The following VWDE variants were observed in gnomAD, a reference collection of about 807,000 sequenced individuals.
VWDE encodes the protein von Willebrand factor D and EGF domain-containing protein.
A neutral mutation model predicts 178.4 loss-of-function variants in VWDE; 207 were observed. The observed-to-expected ratio is 1.16, with a 90% CI of 1.04 to 1.30. The LOEUF (loss-of-function observed/expected upper bound fraction) is 1.30. VWDE is among the 50% of genes most tolerant of loss of function. The pLI is 0.00. For synonymous variants in VWDE, 738 were observed against 651.4 expected, an observed-to-expected ratio of 1.13 and a Z score of -2.02; for missense variants, 2,287 against 1,901.3, an observed-to-expected ratio of 1.20 and a Z score of -3.77.
intron 9 of VWDE, 68 bp downstream of exon 9, chr7:12,374,621 T>G: frequency 8.9e-7 from 1 of 1,123,956 alleles, no homozygotes; most frequent in Non-Finnish European, 1.3e-6. Flanking sequence ...AACAATACAC[T>G]GTTTAAAATA....
At chr7:12,342,553 TGA>T (rs1781387548) in intron 22 of VWDE, among the ~76,000 whole-genome samples, 1 of 152,136 alleles carries the variant, frequency 6.6e-6, no homozygotes, top group South Asian at 2.1e-4. Flanking sequence ...CCACTGTGGT[TGA>T]TATCAGTGCT....
At chr7:12,362,049 T>G (rs568651378) in intron 13 of VWDE, among the ~76,000 whole-genome samples, 1 of 152,186 alleles carries the variant, frequency 6.6e-6, no homozygotes, top group East Asian at 1.9e-4. Context: ...CTCATGATAT[T>G]TTAACTTTGT....
chr7:12,401,021 T>C (rs1784869715), intron 1 of VWDE, among the ~76,000 whole-genome samples: 1 of 152,110 alleles, frequency 6.6e-6, no homozygotes, highest in Admixed American at 6.5e-5. Context: ...CTTTTCATGA[T>C]AAAAACACTC....
At chr7:12,383,491 C>A in intron 4 of VWDE, 45 bp downstream of exon 4, 1 of 1,374,788 alleles carries the variant, frequency 7.3e-7, no homozygotes, top group South Asian at 1.2e-5. Context: ...TTGAAATAGT[C>A]TAGTTTATAA....
chr7:12,378,141 C>T (rs1322558166), intron 6 of VWDE, among the ~76,000 whole-genome samples: 1 of 152,188 alleles, frequency 6.6e-6, no homozygotes, highest in Admixed American at 6.5e-5. Flanking sequence ...GTTTGACTCA[C>T]TTTGGTTCCC....
intron 6 of VWDE, among the ~76,000 whole-genome samples, chr7:12,379,118 G>A (rs1395418761): frequency 6.6e-6 from 1 of 152,108 alleles, no homozygotes; most frequent in African/African-American, 2.4e-5. Context: ...TTCTACTCTA[G>A]TCAGAGACTC....
At chr7:12,403,042 T>C (rs1163331653) in intron 1 of VWDE, among the ~76,000 whole-genome samples, 3 of 152,220 alleles carry the variant, frequency 2.0e-5, no homozygotes, top group Non-Finnish European at 4.4e-5. Context: ...AACTTCACTG[T>C]ATTTTAAACT....
chr7:12,378,351 C>T (rs752856699), intron 6 of VWDE, among the ~76,000 whole-genome samples: 3 of 152,176 alleles, frequency 2.0e-5, no homozygotes, highest in Admixed American at 6.5e-5. Flanking sequence ...ACTTTTAATA[C>T]ATAAATCAAA....
In VWDE at chr7:12,370,771, T is replaced by C. The variant is rs1242939832; in HGVS notation, c.1681A>G (p.Thr561Ala). The stretch of plus-strand genomic sequence containing the variant: ...TCAAAGGTTCCACAAAGTCCCAGAG[T>C]GTTTCTGTAATCTACACTAGGGGCT... ...IRAPSVDYRN[T>A]LGLCGTFDEN... The change falls in exon 11 of 29, where the codon ACT (threonine) becomes GCT (alanine). Residue 561 changes from threonine to alanine, a missense_variant. Coordinates refer to ENST00000275358, the MANE Select transcript of VWDE (RefSeq NM_001135924.3). 5 of 1,550,128 alleles carry C rather than the reference T, an allele frequency of 3.2e-6. No homozygotes were observed. The highest frequency in any genetic ancestry group is 2.0e-5 in the Admixed American group (1 of 50,858).
Position 12,340,392 on chromosome 7 carries a change from A to G in VWDE, c.4296T>C (p.Asn1432=), listed in dbSNP as rs1297689771. ...TATTTGGCTTATTACACGAACCACC[A>G]TTGAGGCAGACAGGGTCGCACAAAG... ...STALCDPVCL[N]GGSCNKPNTC... is the part of the protein sequence containing the mutation. The change falls in exon 24 of 29, where the codon AAT becomes AAC. Residue 1432 remains asparagine, a synonymous_variant. Transcript: ENST00000275358. 4.3e-5 allele frequency: 66 copies of G among 1,551,400 alleles called. No homozygotes were observed. The Admixed American group carries it at 8.2e-4, about 19-fold the overall frequency.
intron 4 of VWDE, among the ~76,000 whole-genome samples, chr7:12,382,540 A>G (rs984320666): frequency 6.6e-6 from 1 of 151,610 alleles, no homozygotes; most frequent in African/African-American, 2.4e-5. Context: ...TTATTATAAA[A>G]CTCTTTTTAA....
At chr7:12,337,395 A>G in intron 24 of VWDE, 123 bp from the exon 25 acceptor site, 2 of 853,858 alleles carry the variant, frequency 2.3e-6, no homozygotes, top group Non-Finnish European at 3.8e-6. Context: ...TTAAAATAAA[A>G]GATCACTCAT....
chr7:12,333,366 GA>G, intron 28 of VWDE, 98 bp downstream of exon 28: 1 of 745,506 alleles, frequency 1.3e-6, no homozygotes, highest in Non-Finnish European at 2.1e-6. Flanking sequence ...TTTTATTTTG[GA>G]AATAATAAAA....
intron 28 of VWDE, among the ~76,000 whole-genome samples, chr7:12,332,993 G>T (rs994978351): frequency 6.6e-6 from 1 of 152,170 alleles, no homozygotes; most frequent in Non-Finnish European, 1.5e-5. Flanking sequence ...GAGAGAGAGA[G>T]AGATTATTAG....
In VWDE at chr7:12,372,958, G is replaced by A. The variant is rs1023295671; in HGVS notation, c.1587+19C>T. Reference sequence around the variant, plus strand: ...GAGAAAAAGGAAAAATACTTTCAATGTTAAAGAATCATACATACTGTGACT... The same window carrying A: ...GAGAAAAAGGAAAAATACTTTCAATATTAAAGAATCATACATACTGTGACT... On this transcript the variant is annotated intron_variant, in intron 10 of 28. Transcript: ENST00000275358. 5 of 1,542,100 alleles carry A rather than the reference G, an allele frequency of 3.2e-6. No homozygotes were observed. The highest frequency in any genetic ancestry group is 1.4e-5 in the African/African-American group (1 of 72,454).
intron 3 of VWDE, 77 bp from the exon 4 acceptor site, chr7:12,383,678 T>A: frequency 8.3e-7 from 1 of 1,202,394 alleles, no homozygotes; most frequent in Non-Finnish European, 1.2e-6. Flanking sequence ...AGATGACAAT[T>A]TATTGAAGGA....
intron 27 of VWDE, among the ~76,000 whole-genome samples, chr7:12,335,885 C>A (rs980070380): frequency 6.6e-6 from 1 of 152,132 alleles, no homozygotes; most frequent in Non-Finnish European, 1.5e-5. Flanking sequence ...CCTGGGGAAA[C>A]TTTATTGGTA....
intron 28 of VWDE, 39 bp downstream of exon 28, chr7:12,333,426 A>C (rs1182746559): frequency 1.6e-6 from 2 of 1,245,866 alleles, no homozygotes; most frequent in South Asian, 2.8e-5. Flanking sequence ...TGCAAATGTC[A>C]ATGTCTAATA....
chr7:12,357,056 T>G (rs1430547850), intron 17 of VWDE, among the ~76,000 whole-genome samples: 1 of 152,206 alleles, frequency 6.6e-6, no homozygotes, highest in Non-Finnish European at 1.5e-5. Flanking sequence ...AATTATTAAT[T>G]TAGATCTGTG....
Sources: gnomAD v4.1 joint callset for allele counts (sites outside exome capture counted in the v4.1 genomes callset) on GRCh38, gnomAD v4.1.1 for gene constraint, MANE v1.5 for transcripts, NCBI Gene and HGNC (gene_info 2026-07-23, HGNC 2026-07-21) for gene names.